The following ADGRE2 variants were observed in gnomAD, a reference collection of about 807,000 sequenced individuals.
The protein encoded by ADGRE2 is adhesion G protein-coupled receptor E2.
ADGRE2 carries 83 observed loss-of-function variants against 100.8 expected under a neutral mutation model. The ratio of observed to expected loss-of-function variants is 0.82; its 90% CI spans 0.69 to 0.99. The LOEUF is 0.99. ADGRE2 is among the 50% of genes least tolerant of loss of function. The pLI is 0.00. For synonymous variants in ADGRE2, 355 were observed against 413.0 expected, an observed-to-expected ratio of 0.86 and a Z score of 1.70; for missense variants, 814 against 1,035.7, an observed-to-expected ratio of 0.79 and a Z score of 2.94.
At chr19:14,736,786 G>A (rs57424269) in intron 20 of ADGRE2, among the ~76,000 whole-genome samples, 41,858 of 120,590 alleles carry the variant, frequency 0.35, 6,889 homozygotes, top group African/African-American at 0.49. Context: ...ATATTTAGAA[G>A]TATAGATATT....
chr19:14,727,314 C>T, the ADGRE2 span, among the ~76,000 whole-genome samples: 2 of 152,166 alleles, frequency 1.3e-5, no homozygotes, highest in Admixed American at 6.5e-5. Flanking sequence ...AGGTGTGAGC[C>T]ACCAAGCCCG....
intron 11 of ADGRE2, among the ~76,000 whole-genome samples, chr19:14,762,400 G>T (rs1703148557): frequency 6.6e-6 from 1 of 152,076 alleles, no homozygotes; most frequent in South Asian, 2.1e-4. Flanking sequence ...GTCACATATT[G>T]TATGATTCCA....
At position 14,734,057 on chromosome 19, in the gene ADGRE2, A is replaced by C; in HGVS notation, c.*2179T>G. ...TGCTCTGTAATGTTTTGGTTCTTAT[A>C]AAAAGGTGCCCAGAGGATGGAGATG... On this transcript the variant is annotated 3_prime_UTR_variant, in exon 21 of 21. Coordinates refer to ENST00000315576, the MANE Select transcript of ADGRE2 (RefSeq NM_013447.4). 6.6e-6 allele frequency: 1 copy of C among 152,204 alleles called. No homozygotes were observed. The allele number at this position is 152,204 out of a possible 1,614,324, so 9.4% of individuals were successfully genotyped here. A position where few individuals can be genotyped will look rare whatever the true frequency, so the allele number is the denominator to read the frequency against.
chr19:14,774,894 G>A (rs976321597), intron 2 of ADGRE2, among the ~76,000 whole-genome samples: 19 of 150,948 alleles, frequency 1.3e-4, no homozygotes, highest in African/African-American at 3.6e-4. Context: ...GGCTGGTCTC[G>A]AACTCCTGAC....
At chr19:14,772,306 G>A in intron 5 of ADGRE2, 36 bp downstream of exon 5, 1 of 1,613,510 alleles carries the variant, frequency 6.2e-7, no homozygotes, top group East Asian at 2.2e-5. Flanking sequence ...CAAACCTCAT[G>A]GACAGTGGTG....
intron 11 of ADGRE2, among the ~76,000 whole-genome samples, chr19:14,761,801 C>T (rs2043735631): frequency 6.6e-6 from 1 of 152,164 alleles, no homozygotes; most frequent in Admixed American, 6.5e-5. Flanking sequence ...TTCCCTGCAC[C>T]TTATGTAAAC....
intron 1 of ADGRE2, 91 bp from the exon 2 acceptor site, chr19:14,777,018 G>A (rs1304446214): frequency 1.5e-5 from 13 of 864,454 alleles, no homozygotes; most frequent in East Asian, 5.0e-5. Context: ...ACACACACGT[G>A]TACTCGCTCA....
At position 14,776,850 on chromosome 19, in the gene ADGRE2, T is replaced by A. The variant is rs1362980117; in HGVS notation, c.-94A>T. 3.2e-6 allele frequency: 5 copies of A among 1,577,520 alleles called. No individual in the cohort carries two copies. The highest frequency in any genetic ancestry group is 4.3e-6 in the Non-Finnish European group (5 of 1,161,898). ...GCAGGCTGGGCAGCTGTGCGGGCTG[T>A]CCCGAGGCCAGGACTTTATAAAGGA... On this transcript the variant is annotated 5_prime_UTR_variant, in exon 2 of 21. Coordinates refer to ENST00000315576, the MANE Select transcript of ADGRE2 (RefSeq NM_013447.4).
intron 4 of ADGRE2, 72 bp from the exon 5 acceptor site, chr19:14,772,569 A>G (rs1168054361): frequency 1.3e-6 from 2 of 1,559,880 alleles, no homozygotes; most frequent in Non-Finnish European, 1.7e-6. Flanking sequence ...CCCCGTCCTG[A>G]CTCCCCAACA....
downstream of ADGRE2, among the ~76,000 whole-genome samples, chr19:14,729,238 T>C (rs1236284493): frequency 6.6e-6 from 1 of 152,198 alleles, no homozygotes; most frequent in Non-Finnish European, 1.5e-5. Flanking sequence ...TGTGACCTTA[T>C]TGGCCAGATA....
At chr19:14,742,579 A>C (rs2042963802) in intron 20 of ADGRE2, among the ~76,000 whole-genome samples, 1 of 152,176 alleles carries the variant, frequency 6.6e-6, no homozygotes, top group Non-Finnish European at 1.5e-5. Flanking sequence ...GAGGGTGCTG[A>C]GTAGAGGCAC....
intron 2 of ADGRE2, 86 bp from the exon 3 acceptor site, chr19:14,774,392 T>G: frequency 6.8e-7 from 1 of 1,468,958 alleles, no homozygotes; most frequent in Non-Finnish European, 9.3e-7. Context: ...GGGAGGAGGA[T>G]GCTGACCCCT....
chr19:14,731,089 C>T (rs1251452958), downstream of ADGRE2: 11 of 1,220,180 alleles, frequency 9.0e-6, no homozygotes, highest in Admixed American at 9.9e-5. Context: ...GCCCCTCCTG[C>T]CCCCTCCCCC....
chr19:14,737,384 G>A (rs73513941), intron 20 of ADGRE2, among the ~76,000 whole-genome samples: 12,388 of 151,752 alleles, frequency 0.082, 1,738 homozygotes, highest in African/African-American at 0.28. Flanking sequence ...TGTAGAGATG[G>A]GGTCTCACTG....
At chr19:14,731,349 A>T (rs1358808297), downstream of ADGRE2, 2 of 676,068 alleles carry the variant, frequency 3.0e-6, no homozygotes, top group Non-Finnish European at 5.0e-6. Context: ...CAGTTCCGTG[A>T]CATCCGGGCT....
intron 5 of ADGRE2, chr19:14,771,872 C>T (rs4808477): frequency 0.051 from 7,902 of 154,874 alleles, 485 homozygotes; most frequent in African/African-American, 0.13. Context: ...ATCTCCTGAC[C>T]CCGTGATCCA....
At chr19:14,771,781 C>G (rs1376622435) in intron 5 of ADGRE2, 2 of 152,684 alleles carry the variant, frequency 1.3e-5, no homozygotes, top group Non-Finnish European at 2.9e-5. Context: ...GCTGGGATTA[C>G]AGGCACCCAC....
chr19:14,736,331 G>A (rs938475611), intron 20 of ADGRE2, 87 bp from the exon 21 acceptor site: 15 of 847,540 alleles, frequency 1.8e-5, no homozygotes, highest in African/African-American at 3.4e-5. Flanking sequence ...GCGCAGCCTC[G>A]ACTCACTGTA....
chr19:14,758,417 A>G (rs1484512610), intron 11 of ADGRE2, among the ~76,000 whole-genome samples: 2 of 152,248 alleles, frequency 1.3e-5, no homozygotes, highest in Non-Finnish European at 2.9e-5. Context: ...ACATGAAAAG[A>G]TGTTAAACAT....
Sources: allele counts gnomAD v4.1 joint callset (sites outside exome capture counted in the v4.1 genomes callset), GRCh38; gene constraint gnomAD v4.1.1; transcripts MANE v1.5; gene names NCBI Gene and HGNC (gene_info 2026-07-23, HGNC 2026-07-21).